The following CHRM3 variants were observed in gnomAD, a reference collection of about 807,000 sequenced individuals.
The protein encoded by CHRM3 is cholinergic receptor muscarinic 3, also known as muscarinic acetylcholine receptor M3.
In CHRM3, 11 loss-of-function variants were observed where a neutral mutation model predicts 41.8. The observed-to-expected ratio is 0.26, with a 90% CI of 0.17 to 0.44. The LOEUF (loss-of-function observed/expected upper bound fraction) is 0.44, where lower values mean the gene tolerates loss of function less well. CHRM3 is among the 20% of genes least tolerant of loss of function. The pLI is 1.00. For synonymous variants in CHRM3, 297 were observed against 301.4 expected, an observed-to-expected ratio of 0.99 and a Z score of 0.15; for missense variants, 571 against 745.4, an observed-to-expected ratio of 0.77 and a Z score of 2.72.
rs534234967 is a variant in CHRM3 at position 239,904,490 on chromosome 1, C to G, written c.-19-2943C>G. Among the ~76,000 whole-genome samples the G allele has an allele frequency of 2.0e-5, 3 of 152,232 alleles. No homozygotes were observed. In the South Asian group the frequency reaches 6.2e-4, roughly 32 times the overall value. On this transcript the variant is annotated intron_variant, in intron 6 of 6. Coordinates refer to ENST00000676153, the MANE Select transcript of CHRM3 (RefSeq NM_001375978.1). Reference sequence around the variant, plus strand: ...CAATGGAGAGATAACAAGGCAAACACCTTTAGAACTGCAGTAAACTGGTAT... The same window carrying G: ...CAATGGAGAGATAACAAGGCAAACAGCTTTAGAACTGCAGTAAACTGGTAT...
At chr1:239,656,200 T>C (rs1182006276) in intron 4 of CHRM3, among the ~76,000 whole-genome samples, 1 of 152,016 alleles carries the variant, frequency 6.6e-6, no homozygotes, top group African/African-American at 2.4e-5. Flanking sequence ...ACCTCTGGGG[T>C]ACCATGTTCA....
chr1:239,643,304 G>T (rs1335643715), intron 4 of CHRM3, among the ~76,000 whole-genome samples: 3 of 152,212 alleles, frequency 2.0e-5, no homozygotes, highest in African/African-American at 7.2e-5. Flanking sequence ...AAAGCTGTCA[G>T]ACAGGGACAT....
At chr1:239,499,205 A>C (rs1051547836) in intron 2 of CHRM3, among the ~76,000 whole-genome samples, 1 of 152,090 alleles carries the variant, frequency 6.6e-6, no homozygotes, top group Non-Finnish European at 1.5e-5. Flanking sequence ...TGGCTTCTGG[A>C]TTTAGGAGAT....
At chr1:239,640,209 T>C (rs902623343) in intron 4 of CHRM3, among the ~76,000 whole-genome samples, 2 of 152,132 alleles carry the variant, frequency 1.3e-5, no homozygotes, top group Non-Finnish European at 2.9e-5. Context: ...TCATCAAGGA[T>C]ATTGGTCTAA....
rs7531862 is a variant in CHRM3, at chr1:239,645,003, A to G, written c.-250+12717A>G. 9.8e-3 allele frequency among the ~76,000 whole-genome samples: 1,496 copies of G among 151,982 alleles called. 31 individuals carry two copies. Among genetic ancestry groups the G allele is most frequent in the African/African-American group, 0.035 (1,441 of 41,418 alleles). On this transcript the variant is annotated intron_variant, in intron 4 of 6. Coordinates refer to ENST00000676153, the MANE Select transcript of CHRM3 (RefSeq NM_001375978.1). ...TGAACACCATGCTCCCTGGTGTTCA[A>G]CCTGTACTGCTACTTCCTCCATCAG... is the stretch of plus-strand genomic sequence containing the variant.
In CHRM3 at chr1:239,512,814, GA is replaced by G. The variant is rs111916947; in HGVS notation, c.-422+20018del. 7.1e-3 allele frequency among the ~76,000 whole-genome samples: 1,046 copies of G among 147,144 alleles called. 10 individuals are homozygous for G. The highest frequency in any genetic ancestry group is 0.045 in the Middle Eastern group (13 of 290). On this transcript the variant is annotated intron_variant, in intron 2 of 6. Transcript: ENST00000676153. ...AGTTTTAAGGGTTACCCTCTTTCTTGAAAAAAAAAAACTGTTAGAATCAAGA... is the reference window on the plus strand; with the variant it reads ...AGTTTTAAGGGTTACCCTCTTTCTTGAAAAAAAAAACTGTTAGAATCAAGA...
At position 239,495,660 on chromosome 1, in the gene CHRM3, G is replaced by C. The variant is rs546986630; in HGVS notation, c.-422+2853G>C. On this transcript the variant is annotated intron_variant, in intron 2 of 6. Coordinates refer to ENST00000676153, the MANE Select transcript of CHRM3 (RefSeq NM_001375978.1). ...TCACCAGCTGTGAGATCTCACCCTAGTTACTTAAAACAGTCAGCTTGGCTT... is the reference window on the plus strand; with the variant it reads ...TCACCAGCTGTGAGATCTCACCCTACTTACTTAAAACAGTCAGCTTGGCTT... Among the ~76,000 whole-genome samples, 12 of 152,230 alleles carry C rather than the reference G, an allele frequency of 7.9e-5. No homozygotes were observed. In the East Asian group the frequency reaches 2.1e-3, roughly 27 times the overall value.
chr1:239,442,297 G>C (rs1449706751), intron 1 of CHRM3, among the ~76,000 whole-genome samples: 1 of 152,052 alleles, frequency 6.6e-6, no homozygotes, highest in Non-Finnish European at 1.5e-5. Context: ...AGTAGAGATG[G>C]GGTTTTACCA....
chr1:239,437,448 C>A (rs1357332722), intron 1 of CHRM3, among the ~76,000 whole-genome samples: 1 of 152,186 alleles, frequency 6.6e-6, no homozygotes, highest in East Asian at 1.9e-4. Context: ...AAAATTCTGC[C>A]ACTCTCTGTT....
intron 6 of CHRM3, among the ~76,000 whole-genome samples, chr1:239,899,299 GTGTGTGTGTA>G (rs1276388551): frequency 2.5e-4 from 34 of 138,470 alleles, no homozygotes; most frequent in African/African-American, 4.7e-4. Context: ...GTGTGTGTGT[GTGTGTGTGTA>G]TATACACACA....
chr1:239,837,238 G>A (rs749368608), intron 6 of CHRM3, among the ~76,000 whole-genome samples: 2 of 151,724 alleles, frequency 1.3e-5, no homozygotes, highest in Non-Finnish European at 2.9e-5. Flanking sequence ...CCTTTGAAGA[G>A]TCTGTTTAGA....
At chr1:239,421,104 A>G (rs142839845) in intron 1 of CHRM3, among the ~76,000 whole-genome samples, 1,643 of 152,314 alleles carry the variant, frequency 0.011, 25 homozygotes, top group African/African-American at 0.037. Flanking sequence ...AATATTTTTT[A>G]AGGGTTGACC....
In CHRM3 at chr1:239,582,598, G is replaced by T. The variant is rs570921186; in HGVS notation, c.-313+36849G>T. On this transcript the variant is annotated intron_variant, in intron 3 of 6. Coordinates refer to ENST00000676153, the MANE Select transcript of CHRM3 (RefSeq NM_001375978.1). ...TCTCATTGCACATCATCTTTTGTGT[G>T]TTGCAGGCATCTCCAACACAACACG... Among the ~76,000 whole-genome samples the T allele has an allele frequency of 4.3e-4, 65 of 152,204 alleles. No homozygotes were observed. The South Asian group carries it at 0.01, about 24-fold the overall frequency.
intron 5 of CHRM3, among the ~76,000 whole-genome samples, chr1:239,801,114 G>A (rs750192323): frequency 1.6e-4 from 24 of 152,150 alleles, no homozygotes; most frequent in Non-Finnish European, 2.8e-4. Context: ...ACATTTATTG[G>A]ACTGTTACTA....
At position 239,454,949 on chromosome 1, in the gene CHRM3, A is replaced by G. The variant is rs927910969; in HGVS notation, c.-520-37760A>G. ...TACCAGTTGTATAGAAGTATAGCAC[A>G]TAGAATTATGTATAGTACATAATAC... is the stretch of plus-strand genomic sequence containing the variant. On this transcript the variant is annotated intron_variant, in intron 1 of 6. Transcript: ENST00000676153. Among the ~76,000 whole-genome samples the G allele has an allele frequency of 8.8e-4, 134 of 152,316 alleles. 1 individual carries two copies. The highest frequency in any genetic ancestry group is 3.2e-3 in the African/African-American group (132 of 41,574).
At chr1:239,868,643 T>C (rs765441958) in intron 6 of CHRM3, among the ~76,000 whole-genome samples, 1 of 152,144 alleles carries the variant, frequency 6.6e-6, no homozygotes, top group Non-Finnish European at 1.5e-5. Flanking sequence ...ACATCCCCCT[T>C]CAGCTCCCGT....
At chr1:239,560,809 C>T (rs947373120) in intron 3 of CHRM3, among the ~76,000 whole-genome samples, 1 of 152,082 alleles carries the variant, frequency 6.6e-6, no homozygotes, top group African/African-American at 2.4e-5. Flanking sequence ...AGGATGACAT[C>T]TTTACTTGAA....
rs899576056 is a variant in CHRM3, at chr1:239,398,520, G to A, written c.-521+11293G>A. The stretch of plus-strand genomic sequence containing the variant: ...CAAAAAGTGCTGGGATTACAGGCAT[G>A]AGCCACCACGCCTGGCCAATATAAA... On this transcript the variant is annotated intron_variant, in intron 1 of 6. Transcript: ENST00000676153. 2.6e-5 allele frequency among the ~76,000 whole-genome samples: 4 copies of A among 152,128 alleles called. No individual in the cohort carries two copies. The East Asian group carries it at 5.8e-4, about 22-fold the overall frequency.
chr1:239,539,789 A>ATT (rs33954303), intron 2 of CHRM3, among the ~76,000 whole-genome samples: 37,732 of 151,652 alleles, frequency 0.25, 5,835 homozygotes, highest in Middle Eastern at 0.51. Context: ...TAATTTTGGC[A>ATT]TTTTTTTAGT....
Sources: gnomAD v4.1 joint callset for allele counts (sites outside exome capture counted in the v4.1 genomes callset) on GRCh38, gnomAD v4.1.1 for gene constraint, MANE v1.5 for transcripts, NCBI Gene and HGNC (gene_info 2026-07-23, HGNC 2026-07-21) for gene names.